The following DST variants were observed in gnomAD, a reference collection of about 807,000 sequenced individuals.
DST encodes dystonin, also known as bullous pemphigoid antigen.
In DST, 253 loss-of-function variants were observed where a neutral mutation model predicts 875.2. The observed-to-expected ratio is 0.29, with a 90% CI of 0.26 to 0.32. The LOEUF is 0.32. Ranked by LOEUF, DST falls within the 10% of genes least tolerant of loss-of-function variation. The probability of loss-of-function intolerance (pLI) is 1.00; values close to 1 mark genes in which losing one functional copy is unlikely to be tolerated. For missense variants in DST, 8,287 were observed against 9,111.6 expected (o/e 0.91, Z 3.68); for synonymous variants, 3,124 against 3,197.1 (o/e 0.98, Z 0.77).
At chr6:56,947,953 A>ATACT (rs56064052) in intron 2 of DST, among the ~76,000 whole-genome samples, 1 of 152,244 alleles carries the variant, frequency 6.6e-6, no homozygotes, top group East Asian at 1.9e-4. Context: ...TTTCCTATAC[A>ATACT]AACACACCTA....
At chr6:56,750,220 G>C (rs1400239797) in intron 4 of DST, among the ~76,000 whole-genome samples, 3 of 152,166 alleles carry the variant, frequency 2.0e-5, no homozygotes, top group African/African-American at 7.2e-5. Flanking sequence ...AACAGACAGA[G>C]ATAAAGTAGC....
chr6:56,933,232 C>A (rs950742269), intron 2 of DST, among the ~76,000 whole-genome samples: 12 of 152,176 alleles, frequency 7.9e-5, no homozygotes, highest in African/African-American at 2.9e-4. Context: ...AACAGAAAAT[C>A]TTTTAATCTA....
chr6:56,898,289 C>G (rs542055008), intron 3 of DST, among the ~76,000 whole-genome samples: 1 of 152,260 alleles, frequency 6.6e-6, no homozygotes, highest in African/African-American at 2.4e-5. Context: ...AAAAGATGAA[C>G]TGAAGTTTAC....
intron 5 of DST, among the ~76,000 whole-genome samples, chr6:56,724,987 G>A (rs962133436): frequency 3.3e-5 from 5 of 150,464 alleles, no homozygotes; most frequent in African/African-American, 1.3e-4. Flanking sequence ...CACACACACT[G>A]TGTAACAGGC....
intron 2 of DST, among the ~76,000 whole-genome samples, chr6:56,928,058 A>C (rs937477230): frequency 6.6e-6 from 1 of 152,214 alleles, no homozygotes; most frequent in African/African-American, 2.4e-5. Context: ...AGCTCAGAGG[A>C]GGGAAGTGCA....
intron 89 of DST, 42 bp downstream of exon 89, chr6:56,482,636 TCAATA>T (rs759312618): frequency 1.0e-5 from 16 of 1,572,324 alleles, no homozygotes; most frequent in Non-Finnish European, 1.3e-5. Context: ...TGTTGAGGTT[TCAATA>T]CTTTTCCCAT....
chr6:56,745,989 A>AT (rs1470562159), intron 4 of DST, among the ~76,000 whole-genome samples: 2 of 151,828 alleles, frequency 1.3e-5, no homozygotes, highest in African/African-American at 2.4e-5. Context: ...TTTATTTTTT[A>AT]TTTTTTTTAA....
intron 5 of DST, among the ~76,000 whole-genome samples, chr6:56,716,209 A>G (rs917349727): frequency 3.9e-5 from 6 of 152,250 alleles, no homozygotes; most frequent in African/African-American, 1.4e-4. Flanking sequence ...AAAAATAGAT[A>G]TATAGATCAA....
intron 9 of DST, among the ~76,000 whole-genome samples, chr6:56,696,593 T>C (rs1287745228): frequency 6.6e-6 from 1 of 152,192 alleles, no homozygotes; most frequent in Admixed American, 6.5e-5. Flanking sequence ...AAACTCAGCC[T>C]CTAAATACAC....
rs1346960892 is a variant in DST at position 56,901,600 on chromosome 6, T to C, written c.217-979A>G. On this transcript the variant is annotated intron_variant, in intron 2 of 103. Transcript: ENST00000680361. ...ACAGAGTGAGACTCCATCTAAAAAA[T>C]AAAATAAAATAAGATAAAAAATATA... 2.6e-5 allele frequency among the ~76,000 whole-genome samples: 4 copies of C among 151,712 alleles called. No homozygotes were observed. The East Asian group carries it at 7.7e-4, about 29-fold the overall frequency.
rs1030900764 is a variant in DST at position 56,494,985 on chromosome 6, T to C, written c.20224-805A>G. The stretch of plus-strand genomic sequence containing the variant: ...GTTTTAAAACTTGCAATATAACTCA[T>C]ATAATATAAAATACACTATTATAAG... On this transcript the variant is annotated intron_variant, in intron 82 of 103. Transcript: ENST00000680361. Among the ~76,000 whole-genome samples the C allele has an allele frequency of 5.3e-5, 8 of 152,068 alleles. No individual in the cohort carries two copies. The South Asian group carries it at 6.2e-4, about 12-fold the overall frequency.
chr6:56,795,850 T>C (rs1356073476), intron 4 of DST, among the ~76,000 whole-genome samples: 1 of 152,178 alleles, frequency 6.6e-6, no homozygotes, highest in Non-Finnish European at 1.5e-5. Flanking sequence ...AAGGAAAAAT[T>C]ATTTCCAATC....
intron 4 of DST, among the ~76,000 whole-genome samples, chr6:56,834,724 T>G (rs2099791448): frequency 6.6e-6 from 1 of 152,216 alleles, no homozygotes; most frequent in South Asian, 2.1e-4. Flanking sequence ...GCTGATAGGA[T>G]GTGTAGCAAC....
At chr6:56,722,199 AAATAC>A (rs2099419571) in intron 5 of DST, among the ~76,000 whole-genome samples, 1 of 152,150 alleles carries the variant, frequency 6.6e-6, no homozygotes, top group Admixed American at 6.5e-5. Context: ...GTTAGAATGC[AAATAC>A]ACTTAGGAGG....
In DST at chr6:56,508,267, C is replaced by CA. The variant is rs2096387978; in HGVS notation, c.19239+261dup. On this transcript the variant is annotated intron_variant, in intron 75 of 103. Transcript: ENST00000680361. ...CAAGCTGGTCTCAAACTCCTGGCCT[C>CA]AAGTGATCCGCCCACCTCGGCCTCC... is the stretch of plus-strand genomic sequence containing the variant. Among the ~76,000 whole-genome samples, 8 of 152,272 alleles carry CA rather than the reference C, an allele frequency of 5.3e-5. No homozygotes were observed. In the South Asian group the frequency reaches 1.7e-3, roughly 32 times the overall value.
intron 65 of DST, 65 bp downstream of exon 65, chr6:56,529,909 C>T (rs1201865181): frequency 6.3e-7 from 1 of 1,576,516 alleles, no homozygotes; most frequent in Non-Finnish European, 8.6e-7. Context: ...GTACATAACT[C>T]AAATTTATGT....
At chr6:56,792,879 A>G (rs1171819580) in intron 4 of DST, among the ~76,000 whole-genome samples, 1 of 151,826 alleles carries the variant, frequency 6.6e-6, no homozygotes, top group Non-Finnish European at 1.5e-5. Context: ...ACCAGCCTAG[A>G]CAACATGGTG....
At chr6:56,625,674 C>G (rs2098726520) in intron 34 of DST, among the ~76,000 whole-genome samples, 1 of 151,180 alleles carries the variant, frequency 6.6e-6, no homozygotes, top group Non-Finnish European at 1.5e-5. Context: ...GACTATGTTA[C>G]TGGTCTATAT....
At chr6:56,897,297 T>G (rs898554257) in intron 3 of DST, among the ~76,000 whole-genome samples, 8 of 127,364 alleles carry the variant, frequency 6.3e-5, no homozygotes, top group Non-Finnish European at 3.3e-5. Context: ...TACTAAGTGG[T>G]TTTTTTTTGG....
Sources: allele counts gnomAD v4.1 joint callset (sites outside exome capture counted in the v4.1 genomes callset), GRCh38; gene constraint gnomAD v4.1.1; transcripts MANE v1.5; gene names NCBI Gene and HGNC (gene_info 2026-07-23, HGNC 2026-07-21).